TLR6: variants seen among roughly 807,000 people sequenced by gnomAD.
TLR6 encodes toll like receptor 6, also known as toll-like receptor 6.
TLR6 carries 9 observed loss-of-function variants against 16.1 expected under a neutral mutation model. That is an observed-to-expected ratio of 0.56 (90% CI 0.34 to 0.98). The LOEUF (loss-of-function observed/expected upper bound fraction) is 0.98, where lower values mean the gene tolerates loss of function less well. Ranked by LOEUF, TLR6 falls within the 50% of genes least tolerant of loss-of-function variation. The probability of loss-of-function intolerance (pLI) is 0.02; values close to 1 mark genes in which losing one functional copy is unlikely to be tolerated. For missense variants in TLR6, 786 were observed against 921.0 expected (o/e 0.85, Z 1.90); for synonymous variants, 340 against 338.6 (o/e 1.00, Z -0.04).
chr4:38,854,936 G>A (rs1391205638), intron 1 of TLR6, among the ~76,000 whole-genome samples: 3 of 152,060 alleles, frequency 2.0e-5, no homozygotes, highest in South Asian at 2.1e-4. Context: ...ATGGCCGGGC[G>A]CAGTGGCTCA....
At chr4:38,852,944 T>C (rs1473167793) in intron 1 of TLR6, among the ~76,000 whole-genome samples, 2 of 152,110 alleles carry the variant, frequency 1.3e-5, no homozygotes, top group African/African-American at 2.4e-5. Context: ...ATGTTTATTG[T>C]GGCACTATTC....
At chr4:38,835,844 G>C (rs1023621245) in intron 1 of TLR6, among the ~76,000 whole-genome samples, 1 of 151,942 alleles carries the variant, frequency 6.6e-6, no homozygotes, top group Admixed American at 6.6e-5. Flanking sequence ...TAAATACATG[G>C]AAATTAAACA....
upstream of TLR6, among the ~76,000 whole-genome samples, chr4:38,858,758 G>A (rs866321088): frequency 1.1e-4 from 6 of 52,802 alleles, no homozygotes; most frequent in Admixed American, 5.6e-4. Context: ...AGAGAGAGAG[G>A]GAGAGAGAGA....
chr4:38,852,972 G>T (rs1351559282), intron 1 of TLR6, among the ~76,000 whole-genome samples: 1 of 151,944 alleles, frequency 6.6e-6, no homozygotes, highest in African/African-American at 2.4e-5. Context: ...CAAAGACTTG[G>T]AACCAACCCA....
chr4:38,868,155 CCG>C, the TLR6 span: 1 of 232,802 alleles, frequency 4.3e-6, no homozygotes, highest in South Asian at 5.4e-5. Context: ...GCGTGAACCT[CCG>C]CGGAGCCTGC....
chr4:38,847,811 A>G (rs1212179303), intron 1 of TLR6, among the ~76,000 whole-genome samples: 1 of 152,114 alleles, frequency 6.6e-6, no homozygotes, highest in African/African-American at 2.4e-5. Flanking sequence ...GGAGCCCACC[A>G]CAGCTCAAGG....
chr4:38,828,718 C>T, exon 2 of TLR6: 1 of 1,614,054 alleles, frequency 6.2e-7, no homozygotes, highest in Non-Finnish European at 8.5e-7. Flanking sequence ...GGGTAAAATT[C>T]AGTAAGGTTG....
rs567200536 is a variant in TLR6, at chr4:38,851,133, A to G, written c.-65+5628T>C. On this transcript the variant is annotated intron_variant, in intron 1 of 1. Transcript: ENST00000436693. ...AAACAGAACCAAAGACAAAAACCAC[A>G]TGATTATCTCAATAGATGCAGAAAA... Among the ~76,000 whole-genome samples, 28 of 152,334 alleles carry G rather than the reference A, an allele frequency of 1.8e-4. No individual in the cohort carries two copies. In the East Asian group the frequency reaches 2.7e-3, roughly 15 times the overall value.
chr4:38,860,044 T>A (rs1713162134), upstream of TLR6, among the ~76,000 whole-genome samples: 1 of 152,128 alleles, frequency 6.6e-6, no homozygotes, highest in Non-Finnish European at 1.5e-5. Flanking sequence ...TGATGACTTT[T>A]ACTTGTTAAA....
At chr4:38,829,031 A>G in exon 2 of TLR6, 1 of 1,614,190 alleles carries the variant, frequency 6.2e-7, no homozygotes, top group Non-Finnish European at 8.5e-7. Context: ...CAAGAAATTC[A>G]GTTGTGATAA....
At chr4:38,866,321 G>A in the TLR6 span, among the ~76,000 whole-genome samples, 525 of 148,180 alleles carry the variant, frequency 3.5e-3, 15 homozygotes, top group South Asian at 0.06. Context: ...GTGAAACCCC[G>A]TCTCTACTAA....
intron 1 of TLR6, among the ~76,000 whole-genome samples, chr4:38,855,075 G>A (rs560896637): frequency 6.6e-6 from 1 of 152,176 alleles, no homozygotes; most frequent in South Asian, 2.1e-4. Context: ...AGCCGGGCGT[G>A]GTGGCGGGCG....
intron 1 of TLR6, among the ~76,000 whole-genome samples, chr4:38,834,931 A>G (rs757775010): frequency 2.3e-4 from 35 of 152,246 alleles, no homozygotes; most frequent in Admixed American, 6.5e-5. Context: ...ATCTACCATT[A>G]TGAAAACACA....
At chr4:38,850,433 A>G (rs1712721947) in intron 1 of TLR6, among the ~76,000 whole-genome samples, 1 of 152,198 alleles carries the variant, frequency 6.6e-6, no homozygotes, top group Non-Finnish European at 1.5e-5. Context: ...AAATCAATGA[A>G]TCCAGGAGGT....
At chr4:38,860,201 G>A (rs906065084), upstream of TLR6, among the ~76,000 whole-genome samples, 2 of 152,174 alleles carry the variant, frequency 1.3e-5, no homozygotes, top group Non-Finnish European at 2.9e-5. Context: ...GCTGGGCGCA[G>A]TGGCTCACAC....
chr4:38,859,292 T>C (rs1713143629), upstream of TLR6, among the ~76,000 whole-genome samples: 1 of 152,168 alleles, frequency 6.6e-6, no homozygotes, highest in South Asian at 2.1e-4. Flanking sequence ...GCAGTCACAA[T>C]GCAAGGGATG....
the TLR6 span, among the ~76,000 whole-genome samples, chr4:38,862,590 A>ATT: frequency 0.25 from 18,628 of 73,706 alleles, 3,123 homozygotes; most frequent in East Asian, 0.52. Flanking sequence ...CCCAATCACC[A>ATT]TTTTTTTTTT....
At chr4:38,862,930 TAAA>T in the TLR6 span, among the ~76,000 whole-genome samples, 8 of 83,084 alleles carry the variant, frequency 9.6e-5, no homozygotes, top group South Asian at 1.1e-3. Flanking sequence ...TTCTCCCATC[TAAA>T]AAAAAAAAAA....
chr4:38,858,879 GAAAGAA>G (rs1560274728), upstream of TLR6, among the ~76,000 whole-genome samples: 2 of 99,792 alleles, frequency 2.0e-5, no homozygotes, highest in Non-Finnish European at 2.2e-5. Context: ...AAGAAAGAAA[GAAAGAA>G]AGAGAGAAAG....
Sources: allele counts gnomAD v4.1 joint callset (sites outside exome capture counted in the v4.1 genomes callset), GRCh38; gene constraint gnomAD v4.1.1; transcripts MANE v1.5; gene names NCBI Gene and HGNC (gene_info 2026-07-23, HGNC 2026-07-21).